The following MYCBP2 variants were observed in gnomAD, a reference collection of about 807,000 sequenced individuals.
MYCBP2 encodes MYC binding protein 2.
A neutral mutation model predicts 525.3 loss-of-function variants in MYCBP2; 120 were observed. The ratio of observed to expected loss-of-function variants is 0.23; its 90% confidence interval spans 0.20 to 0.27. MYCBP2 has a LOEUF of 0.27. MYCBP2 is among the 10% of genes least tolerant of loss of function. MYCBP2 has a pLI of 1.00. For synonymous variants in MYCBP2, 1,894 were observed against 1,955.8 expected (o/e 0.97, Z 0.83); for missense variants, 4,149 against 5,657.1 (o/e 0.73, Z 8.55).
chr13:77,061,233 G>C lies in MYCBP2; in HGVS notation c.12972C>G (p.Phe4324Leu). 6.2e-7 allele frequency: 1 copy of C among 1,612,218 alleles called. No homozygotes were observed. The highest frequency in any genetic ancestry group is 8.5e-7 in the Non-Finnish European group (1 of 1,179,128). ...TAGAATCTGCCAGTGCCATCAACCA[G>C]AACAATTTGGTTCTACCACAACCTT... ...LHEGCGRTKL[F>L]WLMALADSKT... is the part of the protein sequence containing the mutation. Residue 4324 changes from phenylalanine (F) to leucine (L), a missense_variant, in exon 76 of 83, where the codon TTC becomes TTG. Around this residue, in one of 21 missense-constraint regions of MYCBP2, gnomAD observed 220 missense variants for 396.0 expected, o/e 0.56. Transcript: ENST00000544440.
At position 77,288,175 on chromosome 13, in the gene MYCBP2, T is replaced by C. The variant is rs200776219; in HGVS notation, c.580A>G (p.Ile194Val). The stretch of plus-strand genomic sequence containing the variant: ...CAGTGGCTTACCTTTGGAAGCTTGA[T>C]AGGGGGCTCTTTGGATTCCTCTTCT... The part of the protein sequence containing the change: ...DEEEESKEPP[I>V]KLPKIIEVGL... Residue 194 changes from isoleucine to valine, a missense_variant, in exon 3 of 83, where the codon ATC becomes GTC. This residue lies in a region of MYCBP2 where 413 missense variants were observed against 451.2 expected (regional missense o/e 0.92). Coordinates refer to ENST00000544440, the MANE Select transcript of MYCBP2 (RefSeq NM_015057.5). 33 of 1,613,952 alleles carry C rather than the reference T, an allele frequency of 2.0e-5. No individual in the cohort carries two copies. The highest frequency in any genetic ancestry group is 1.2e-4 in the Admixed American group (7 of 60,004).
At chr13:77,055,407 A>C (rs1277371660) in intron 80 of MYCBP2, 151 bp downstream of exon 80, 1 of 713,936 alleles carries the variant, frequency 1.4e-6, no homozygotes, top group Non-Finnish European at 2.3e-6. Flanking sequence ...AACAAGTTTT[A>C]CTGGAAACAT....
chr13:77,211,898 A>G, intron 22 of MYCBP2, 58 bp downstream of exon 22: 1 of 1,343,476 alleles, frequency 7.4e-7, no homozygotes, highest in Non-Finnish European at 1.1e-6. Flanking sequence ...AAGATAAACC[A>G]TTTACTATCA....
Position 77,185,474 on chromosome 13 carries a change from T to G in MYCBP2, c.4445-97A>C, listed in dbSNP as rs2060634522. The G allele has an allele frequency of 5.7e-6, 7 of 1,231,972 alleles. No homozygotes were observed. In the South Asian group the frequency reaches 7.5e-5, roughly 13 times the overall value. The allele number at this position is 1,231,972 out of a possible 1,614,324, so 76.3% of individuals were successfully genotyped here. A position where few individuals can be genotyped will look rare whatever the true frequency, so the allele number is the denominator to read the frequency against. On this transcript the variant is annotated intron_variant, in intron 31 of 82. Coordinates refer to ENST00000544440, the MANE Select transcript of MYCBP2 (RefSeq NM_015057.5). ...CAGTAATTCCCTATACAGCTAAGTA[T>G]CACAAGTACTAATATCTTAGAAATG... is the stretch of plus-strand genomic sequence containing the variant.
chr13:77,134,579 TAACA>T (rs1461118664), intron 52 of MYCBP2, among the ~76,000 whole-genome samples: 1 of 141,478 alleles, frequency 7.1e-6, no homozygotes, highest in African/African-American at 2.7e-5. Context: ...ACAACAAAAA[TAACA>T]AAAAAAAAAA....
intron 46 of MYCBP2, among the ~76,000 whole-genome samples, chr13:77,154,736 C>T (rs1319529068): frequency 1.3e-5 from 2 of 151,996 alleles, no homozygotes; most frequent in Admixed American, 1.3e-4. Context: ...AACATCTTAA[C>T]GTGTATTGTA....
At chr13:77,110,014 ATG>A (rs1205472425) in intron 55 of MYCBP2, 2 of 145,406 alleles carry the variant, frequency 1.4e-5, no homozygotes, top group Non-Finnish European at 3.1e-5. Flanking sequence ...ATTGTAAAAC[ATG>A]TGTGTTTGAA....
intron 14 of MYCBP2, among the ~76,000 whole-genome samples, chr13:77,251,979 A>G (rs1484562600): frequency 6.6e-6 from 1 of 151,600 alleles, no homozygotes; most frequent in African/African-American, 2.4e-5. Context: ...GTCTCTGCCT[A>G]TCTCATCTAG....
intron 26 of MYCBP2, among the ~76,000 whole-genome samples, chr13:77,200,917 G>A (rs1412679747): frequency 1.3e-4 from 20 of 151,888 alleles, no homozygotes; most frequent in South Asian, 4.2e-4. Context: ...AGGAACAACC[G>A]GTACCAGCCA....
At chr13:77,064,465 G>A (rs1214059998) in intron 73 of MYCBP2, 150 bp downstream of exon 73, 13 of 849,384 alleles carry the variant, frequency 1.5e-5, no homozygotes, top group Non-Finnish European at 2.3e-5. Flanking sequence ...TAATATAAAA[G>A]CCCTTTATAC....
intron 2 of MYCBP2, among the ~76,000 whole-genome samples, chr13:77,291,767 C>CAA (rs112850991): frequency 2.9e-5 from 3 of 104,134 alleles, no homozygotes. Context: ...AACTCTGTCT[C>CAA]AAAAAAAAAA....
Position 77,271,120 on chromosome 13 carries a change from A to G in MYCBP2, c.946-582T>C, listed in dbSNP as rs1409394973. On this transcript the variant is annotated intron_variant, in intron 5 of 82. Transcript: ENST00000544440. ...TTTGATATTTTCTTTTATTACTTTA[A>G]CCATACTTTATATATTCATACACAT... Among the ~76,000 whole-genome samples the G allele has an allele frequency of 1.3e-5, 2 of 152,122 alleles. 1 individual carries two copies. Among genetic ancestry groups the G allele is most frequent in the Non-Finnish European group, 2.9e-5 (2 of 68,030 alleles).
At chr13:77,105,399 GA>G in intron 55 of MYCBP2, among the ~76,000 whole-genome samples, 1 of 151,920 alleles carries the variant, frequency 6.6e-6, no homozygotes, top group Non-Finnish European at 1.5e-5. Flanking sequence ...GTGAAAAAAA[GA>G]AATATTTTTA....
chr13:77,125,297 A>T (rs771134451), intron 54 of MYCBP2, 39 bp downstream of exon 54: 2 of 1,610,974 alleles, frequency 1.2e-6, no homozygotes, highest in Non-Finnish European at 1.7e-6. Context: ...TGTATTTGAA[A>T]GCTTAATTGG....
chr13:77,216,461 T>G (rs1011523466), intron 21 of MYCBP2, among the ~76,000 whole-genome samples: 5 of 152,082 alleles, frequency 3.3e-5, no homozygotes, highest in Admixed American at 6.6e-5. Flanking sequence ...TTGCTTATAG[T>G]TTCAAAGGAG....
intron 37 of MYCBP2, among the ~76,000 whole-genome samples, chr13:77,173,019 T>A (rs951533569): frequency 6.6e-6 from 1 of 152,164 alleles, no homozygotes; most frequent in Non-Finnish European, 1.5e-5. Context: ...TCAAAGCATG[T>A]CCTGGCACAC....
At chr13:77,277,495 C>A (rs1329080167) in intron 4 of MYCBP2, among the ~76,000 whole-genome samples, 1 of 152,104 alleles carries the variant, frequency 6.6e-6, no homozygotes, top group Non-Finnish European at 1.5e-5. Flanking sequence ...AAGTCAAACA[C>A]AATAACTGAG....
chr13:77,103,176 G>A (rs1482037954), intron 55 of MYCBP2: 1 of 397,272 alleles, frequency 2.5e-6, no homozygotes, highest in Non-Finnish European at 4.4e-6. Flanking sequence ...TGTTCATTAA[G>A]AATGGCCCAT....
At chr13:77,134,900 G>A (rs541895900) in intron 52 of MYCBP2, among the ~76,000 whole-genome samples, 6 of 152,268 alleles carry the variant, frequency 3.9e-5, no homozygotes, top group South Asian at 2.1e-4. Flanking sequence ...ATGAATACAC[G>A]AATTCTAAAA....
Sources: allele counts gnomAD v4.1 joint callset (sites outside exome capture counted in the v4.1 genomes callset), GRCh38; gene constraint gnomAD v4.1.1; regional missense constraint gnomAD v4.1.1; transcripts MANE v1.5; gene names NCBI Gene and HGNC (gene_info 2026-07-23, HGNC 2026-07-21).